NFYB: variants seen among roughly 807,000 people sequenced by gnomAD.
NFYB encodes CAAT box DNA-binding protein subunit B.
NFYB carries 13 observed loss-of-function variants against 28.0 expected under a neutral mutation model. The ratio of observed to expected loss-of-function variants is 0.46; its 90% confidence interval spans 0.30 to 0.74. The LOEUF is 0.74. Ranked by LOEUF, NFYB falls within the 30% of genes least tolerant of loss-of-function variation. The pLI is 0.07. For missense variants in NFYB, 142 were observed against 247.6 expected (o/e 0.57, Z 2.86); for synonymous variants, 74 against 75.0 (o/e 0.99, Z 0.07).
intron 4 of NFYB, among the ~76,000 whole-genome samples, chr12:104,124,567 TATAAA>T (rs938243398): frequency 3.3e-5 from 5 of 152,296 alleles, no homozygotes; most frequent in Admixed American, 1.3e-4. Context: ...CTAGTAGCCA[TATAAA>T]ATAAAATAAA....
intron 2 of NFYB, 54 bp downstream of exon 2, chr12:104,135,394 C>T (rs1208950115): frequency 1.3e-6 from 2 of 1,489,796 alleles, no homozygotes; most frequent in East Asian, 2.5e-5. Context: ...ATTTTATTTC[C>T]AGCCAATTAC....
At chr12:104,128,243 T>C (rs1806459179) in intron 3 of NFYB, among the ~76,000 whole-genome samples, 181 bp downstream of exon 3, 1 of 152,232 alleles carries the variant, frequency 6.6e-6, no homozygotes, top group Non-Finnish European at 1.5e-5. Flanking sequence ...CTCATTCTTT[T>C]GAAGACTATT....
chr12:104,119,802 A>T, intron 7 of NFYB, 33 bp from the exon 8 acceptor site: 1 of 1,464,488 alleles, frequency 6.8e-7, no homozygotes, highest in Non-Finnish European at 9.5e-7. Context: ...GAGCAGAATT[A>T]AAGAAAAGGA....
In NFYB at chr12:104,117,652, C is replaced by A. The variant is rs1188705361; in HGVS notation, c.*2085G>T. On this transcript the variant is annotated 3_prime_UTR_variant, in exon 8 of 8. Transcript: ENST00000240055. Reference sequence around the variant, plus strand: ...AAACTCCTGACCTCAAAGTGATCTGCCTGCCTTGGCCTCCCAAAGTGCTGG... The same window carrying A: ...AAACTCCTGACCTCAAAGTGATCTGACTGCCTTGGCCTCCCAAAGTGCTGG... The A allele has an allele frequency of 6.6e-6, 1 of 152,214 alleles. No homozygotes were observed. The highest frequency in any genetic ancestry group is 2.4e-5 in the African/African-American group (1 of 41,434). 9.4% of individuals were successfully genotyped at this position (152,214 alleles called of 1,614,324 possible).
chr12:104,131,647 A>C (rs2030925826), intron 2 of NFYB: 1 of 424,958 alleles, frequency 2.4e-6, no homozygotes, highest in Admixed American at 2.7e-5. Context: ...ATGCATCCCA[A>C]AGGTTTTTTC....
intron 2 of NFYB, among the ~76,000 whole-genome samples, chr12:104,133,828 A>G (rs1331562083): frequency 6.6e-6 from 1 of 152,152 alleles, no homozygotes; most frequent in African/African-American, 2.4e-5. Flanking sequence ...TTCCTTAAAC[A>G]TGCTTAGTCT....
At chr12:104,124,330 A>G (rs2030599947) in intron 4 of NFYB, among the ~76,000 whole-genome samples, 1 of 152,240 alleles carries the variant, frequency 6.6e-6, no homozygotes, top group Non-Finnish European at 1.5e-5. Context: ...TTCATTATAA[A>G]AACAATTTTT....
rs200760752 is a variant in NFYB, at chr12:104,120,496, T to C, written c.512-17A>G. ...ACTGGTTAGCTAAAAGAAAAAAAAT[T>C]AGTTAAAGAGGGAAATGAACTATAT... On this transcript the variant is annotated splice_polypyrimidine_tract_variant and intron_variant, in intron 6 of 7. Transcript: ENST00000240055. 3 of 1,585,960 alleles carry C rather than the reference T, an allele frequency of 1.9e-6. No individual in the cohort carries two copies. Among genetic ancestry groups the C allele is most frequent in the Non-Finnish European group, 2.6e-6 (3 of 1,154,694 alleles).
intron 2 of NFYB, chr12:104,131,796 A>G (rs751775887): frequency 4.4e-6 from 2 of 456,048 alleles, no homozygotes; most frequent in South Asian, 3.1e-5. Context: ...TCAACAACAG[A>G]CAAGGTCTCT....
At chr12:104,134,109 T>C (rs2031021159) in intron 2 of NFYB, among the ~76,000 whole-genome samples, 1 of 152,194 alleles carries the variant, frequency 6.6e-6, no homozygotes, top group South Asian at 2.1e-4. Flanking sequence ...CCTACTCTGA[T>C]TTCCAAAGCA....
intron 1 of NFYB, 200 bp downstream of exon 1, chr12:104,137,941 C>T (rs1196704664): frequency 1.4e-5 from 2 of 145,954 alleles, no homozygotes; most frequent in African/African-American, 4.9e-5. Context: ...GCCCCGCGCC[C>T]GCTCCCCGGC....
At chr12:104,120,549 T>TAA in intron 6 of NFYB, 70 bp from the exon 7 acceptor site, 1 of 1,069,718 alleles carries the variant, frequency 9.3e-7, no homozygotes, top group East Asian at 2.4e-5. Context: ...ATCTTAAGGT[T>TAA]GTACCATTAA....
intron 2 of NFYB, among the ~76,000 whole-genome samples, chr12:104,132,799 G>C (rs973344530): frequency 5.3e-5 from 8 of 152,342 alleles, no homozygotes; most frequent in African/African-American, 1.4e-4. Flanking sequence ...TGTGACACTT[G>C]AAAGGCCTGA....
Position 104,128,111 on chromosome 12 carries a change from C to A in NFYB, c.100+313G>T, listed in dbSNP as rs549066669. Among the ~76,000 whole-genome samples the A allele has an allele frequency of 2.3e-4, 35 of 152,198 alleles. 1 individual carries two copies. Among genetic ancestry groups the A allele is most frequent in the African/African-American group, 8.2e-4 (34 of 41,514 alleles). ...ACCCTCTAAATAATTATTTTAGTTA[C>A]CCTATCAATTGATTATAAATTTCTT... On this transcript the variant is annotated intron_variant, in intron 3 of 7. Coordinates refer to ENST00000240055, the MANE Select transcript of NFYB (RefSeq NM_006166.4).
chr12:104,120,697 CA>C lies in NFYB; in HGVS notation c.512-219del, dbSNP rs1190282731. 3.9e-5 allele frequency among the ~76,000 whole-genome samples: 6 copies of C among 152,280 alleles called. No homozygotes were observed. In the East Asian group the frequency reaches 1.2e-3, roughly 29 times the overall value. ...CGTTTTTCAATTTTCCTATCTCTAA[CA>C]TGTACCTTAGCTAACTGCCCATGTG... On this transcript the variant is annotated intron_variant, in intron 6 of 7. Coordinates refer to ENST00000240055, the MANE Select transcript of NFYB (RefSeq NM_006166.4).
intron 2 of NFYB, chr12:104,131,296 G>C (rs1019150800): frequency 6.4e-6 from 1 of 155,984 alleles, no homozygotes. Flanking sequence ...ACAGACATTC[G>C]ATCTCATCCT....
Position 104,123,186 on chromosome 12 carries a change from A to G in NFYB, c.429+40T>C, listed in dbSNP as rs927927453. On this transcript the variant is annotated intron_variant, in intron 5 of 7. Coordinates refer to ENST00000240055, the MANE Select transcript of NFYB (RefSeq NM_006166.4). ...GCGATACTCCACCTCAAAAAAAAAA[A>G]GAAGAAAAAAAAAAGCACAATGGGA... is the stretch of plus-strand genomic sequence containing the variant. The G allele has an allele frequency of 6.0e-6, 9 of 1,496,532 alleles. No homozygotes were observed. In the African/African-American group the frequency reaches 7.1e-5, roughly 12 times the overall value. 92.7% of individuals were successfully genotyped at this position (1,496,532 alleles called of 1,614,324 possible).
intron 4 of NFYB, chr12:104,125,318 A>G (rs925438287): frequency 4.6e-5 from 7 of 153,310 alleles, no homozygotes; most frequent in African/African-American, 1.4e-4. Flanking sequence ...TAGTACTTGG[A>G]TGGGAGAAGT....
chr12:104,122,168 AT>A (rs1406773599), intron 5 of NFYB, among the ~76,000 whole-genome samples: 1 of 152,176 alleles, frequency 6.6e-6, no homozygotes, highest in African/African-American at 2.4e-5. Flanking sequence ...ATTTAGTACC[AT>A]CCATAATTCT....
Sources: gnomAD v4.1 joint callset for allele counts (sites outside exome capture counted in the v4.1 genomes callset) on GRCh38, gnomAD v4.1.1 for gene constraint, MANE v1.5 for transcripts, NCBI Gene and HGNC (gene_info 2026-07-23, HGNC 2026-07-21) for gene names.